The following SPAST variants were observed in gnomAD, a reference collection of about 807,000 sequenced individuals.
The protein encoded by SPAST is spastic paraplegia 4 (autosomal dominant; spastin).
In SPAST, 30 loss-of-function variants were observed where a neutral mutation model predicts 76.6. The observed-to-expected ratio is 0.39, with a 90% CI of 0.29 to 0.53. The LOEUF is 0.53. SPAST is among the 20% of genes least tolerant of loss of function. The pLI is 0.68. For missense variants in SPAST, 717 were observed against 770.5 expected, an observed-to-expected ratio of 0.93 and a Z score of 0.82; for synonymous variants, 305 against 281.0, an observed-to-expected ratio of 1.09 and a Z score of -0.86.
At chr2:32,065,994 G>A in intron 1 of SPAST, 1 of 138,686 alleles carries the variant, frequency 7.2e-6, no homozygotes, top group East Asian at 2.1e-4. Flanking sequence ...TTTTTTTTGA[G>A]ATGGAGTCTC....
At chr2:32,132,502 T>C (rs1029886374) in intron 9 of SPAST, among the ~76,000 whole-genome samples, 3 of 151,878 alleles carry the variant, frequency 2.0e-5, no homozygotes, top group Non-Finnish European at 2.9e-5. Context: ...TTCTAATTTT[T>C]ACATACTTGA....
At chr2:32,129,797 G>C (rs1381008801) in intron 9 of SPAST, 1 of 152,146 alleles carries the variant, frequency 6.6e-6, no homozygotes, top group Non-Finnish European at 1.5e-5. Context: ...CCAGAAGTTG[G>C]AGACCAGCCT....
At position 32,127,232 on chromosome 2, in the gene SPAST, C is replaced by G. The variant is rs956554934; in HGVS notation, c.1173+210C>G. On this transcript the variant is annotated intron_variant, in intron 8 of 16. Transcript: ENST00000315285. ...TCCTGGGTTCAAGCGATTTTCATGC[C>G]TCAGCCTCCCAAGTAGCTGGGATTA... is the stretch of plus-strand genomic sequence containing the variant. 5.5e-6 allele frequency: 3 copies of G among 541,156 alleles called. No homozygotes were observed. The African/African-American group carries it at 5.7e-5, about 10-fold the overall frequency. The allele number at this position is 541,156 out of a possible 1,614,324, so 33.5% of individuals were successfully genotyped here.
At chr2:32,099,426 A>C (rs147314534) in intron 4 of SPAST, among the ~76,000 whole-genome samples, 2 of 152,184 alleles carry the variant, frequency 1.3e-5, no homozygotes, top group African/African-American at 2.4e-5. Context: ...TTGGATATCA[A>C]CTTCTACAGA....
At chr2:32,109,336 T>C (rs1014868171) in intron 4 of SPAST, among the ~76,000 whole-genome samples, 5 of 151,762 alleles carry the variant, frequency 3.3e-5, no homozygotes, top group African/African-American at 1.2e-4. Context: ...CTCGAACTCC[T>C]GACTTCAGGT....
intron 3 of SPAST, among the ~76,000 whole-genome samples, chr2:32,096,724 A>G (rs1677930192): frequency 1.3e-5 from 2 of 152,024 alleles, no homozygotes; most frequent in Non-Finnish European, 2.9e-5. Context: ...AATTTCATTG[A>G]GGGGAGTATT....
At chr2:32,094,911 G>A (rs149416685) in intron 3 of SPAST, among the ~76,000 whole-genome samples, 3,375 of 152,348 alleles carry the variant, frequency 0.022, 107 homozygotes, top group African/African-American at 0.076. Context: ...GGAGGTTGCA[G>A]TGAGCCGAGG....
At chr2:32,114,119 A>C (rs959443653) in intron 4 of SPAST, among the ~76,000 whole-genome samples, 10 of 151,992 alleles carry the variant, frequency 6.6e-5, no homozygotes, top group African/African-American at 2.4e-4. Context: ...GAAAATTAGA[A>C]TAGGGACAGG....
chr2:32,075,358 A>G lies in SPAST; in HGVS notation c.415+11112A>G, dbSNP rs1000556780. Among the ~76,000 whole-genome samples the G allele has an allele frequency of 4.7e-5, 7 of 149,128 alleles. No homozygotes were observed. The South Asian group carries it at 1.5e-3, about 32-fold the overall frequency. On this transcript the variant is annotated intron_variant, in intron 1 of 16. Transcript: ENST00000315285. ...GGAGAGTGGCGAGAACCCAGGAGAC[A>G]GAGCTTGCAGTGAGCCGAGATCGCG...
At chr2:32,150,239 A>ATTTTTTTTTT (rs11363493) in intron 16 of SPAST, among the ~76,000 whole-genome samples, 34 of 66,592 alleles carry the variant, frequency 5.1e-4, no homozygotes, top group African/African-American at 6.1e-4. Context: ...CGCCCAGCTA[A>ATTTTTTTTTT]TTTTTTTTTT....
chr2:32,063,865 G>A lies in SPAST; in HGVS notation c.34G>A (p.Gly12Ser). Residue 12 changes from glycine to serine, a missense_variant, in exon 1 of 17, where the codon GGC becomes AGC. By Grantham distance (56) the Gly-to-Ser change is moderately conservative. This residue lies in a region of SPAST where 543 missense variants were observed against 445.2 expected (regional missense o/e 1.22). Coordinates refer to ENST00000315285, the MANE Select transcript of SPAST (RefSeq NM_014946.4). ...TCCGGGTGGACGAGGGAAGAAGAAA[G>A]GCTCCGGCGGCGCCAGCAACCCGGT... ...NSPGGRGKKK[G>S]SGGASNPVPP... 6.3e-7 allele frequency: 1 copy of A among 1,584,620 alleles called. No individual in the cohort carries two copies. The highest frequency in any genetic ancestry group is 8.5e-7 in the Non-Finnish European group (1 of 1,170,542).
At position 32,124,341 on chromosome 2, in the gene SPAST, A is replaced by G. The variant is rs75585541; in HGVS notation, c.1099-2607A>G. The stretch of plus-strand genomic sequence containing the variant: ...AAGATACCCTGCCATCCCTATTAGA[A>G]TGGCTGAAATCTAAAACACTGACAA... On this transcript the variant is annotated intron_variant, in intron 7 of 16. Coordinates refer to ENST00000315285, the MANE Select transcript of SPAST (RefSeq NM_014946.4). 5.9e-3 allele frequency among the ~76,000 whole-genome samples: 899 copies of G among 152,310 alleles called. 11 individuals are homozygous for G. The highest frequency in any genetic ancestry group is 0.02 in the African/African-American group (839 of 41,564).
chr2:32,124,283 G>A (rs1679119903), intron 7 of SPAST, among the ~76,000 whole-genome samples: 1 of 152,192 alleles, frequency 6.6e-6, no homozygotes, highest in South Asian at 2.1e-4. Context: ...TCAACATCAT[G>A]TCGTTAGGGA....
In SPAST at chr2:32,114,956, A is replaced by AT. The variant is rs1448818175; in HGVS notation, c.870+131_870+132insT. 122 of 555,298 alleles carry AT rather than the reference A, an allele frequency of 2.2e-4. No individual in the cohort carries two copies. Among genetic ancestry groups the AT allele is most frequent in the Middle Eastern group, 9.6e-4 (2 of 2,094 alleles). 34.4% of individuals were successfully genotyped at this position (555,298 alleles called of 1,614,324 possible). A position where few individuals can be genotyped will look rare whatever the true frequency, so the allele number is the denominator to read the frequency against. On this transcript the variant is annotated intron_variant, in intron 5 of 16. Transcript: ENST00000315285. ...GAATGGATAAGTTTCCATAAAGTTAAATTTTTTTTTTTTTTTTTTGAGACT... is the reference window on the plus strand; with the variant it reads ...GAATGGATAAGTTTCCATAAAGTTAATATTTTTTTTTTTTTTTTTTGAGACT...
intron 1 of SPAST, among the ~76,000 whole-genome samples, chr2:32,086,878 C>T (rs1160562274): frequency 6.6e-6 from 1 of 152,122 alleles, no homozygotes; most frequent in Non-Finnish European, 1.5e-5. Context: ...GATCACTTTA[C>T]AGAAGTTATT....
At chr2:32,085,322 CCTCT>C (rs1340939515) in intron 1 of SPAST, among the ~76,000 whole-genome samples, 2 of 150,452 alleles carry the variant, frequency 1.3e-5, no homozygotes, top group African/African-American at 4.9e-5. Flanking sequence ...GCTCAAGTGA[CCTCT>C]CTCCTCAGTC....
chr2:32,120,070 G>A (rs998547710), intron 7 of SPAST, among the ~76,000 whole-genome samples: 1 of 150,312 alleles, frequency 6.7e-6, no homozygotes, highest in Non-Finnish European at 1.5e-5. Context: ...GTTCTCCAGC[G>A]TGGCCTTAGG....
chr2:32,117,238 C>T (rs905962475), intron 7 of SPAST, among the ~76,000 whole-genome samples: 1 of 151,676 alleles, frequency 6.6e-6, no homozygotes, highest in African/African-American at 2.4e-5. Flanking sequence ...GGCGACAGAG[C>T]GAGACTCCGT....
At chr2:32,146,131 G>A (rs2148761801) in intron 15 of SPAST, among the ~76,000 whole-genome samples, 1 of 152,266 alleles carries the variant, frequency 6.6e-6, no homozygotes, top group Non-Finnish European at 1.5e-5. Flanking sequence ...TCTTGCTGCT[G>A]GAGCTTAAAT....
Sources: gnomAD v4.1 joint callset for allele counts (sites outside exome capture counted in the v4.1 genomes callset) on GRCh38, gnomAD v4.1.1 for gene constraint, gnomAD v4.1.1 regional missense constraint, MANE v1.5 for transcripts, NCBI Gene and HGNC (gene_info 2026-07-23, HGNC 2026-07-21) for gene names.